The following CAGE1 variants were observed in gnomAD, a reference collection of about 807,000 sequenced individuals.
CAGE1 encodes cancer-associated gene 1 protein.
CAGE1 carries 66 observed loss-of-function variants against 94.9 expected under a neutral mutation model. That is an observed-to-expected ratio of 0.70 (90% CI 0.57 to 0.85). The LOEUF (loss-of-function observed/expected upper bound fraction) is 0.85, where lower values mean the gene tolerates loss of function less well. Among genes scored for constraint, CAGE1 ranks in the 40% least tolerant of loss-of-function variants. The pLI is 0.00. For missense variants in CAGE1, 865 were observed against 950.4 expected, an observed-to-expected ratio of 0.91 and a Z score of 1.18; for synonymous variants, 319 against 321.0, an observed-to-expected ratio of 0.99 and a Z score of 0.07.
At position 7,363,916 on chromosome 6, in the gene CAGE1, C is replaced by G. The variant is rs556295446; in HGVS notation, c.2193+1552G>C. On this transcript the variant is annotated intron_variant, in intron 9 of 13. Coordinates refer to ENST00000502583, the MANE Select transcript of CAGE1 (RefSeq NM_001170692.2). ...TTTTCTAAACTTATCTTTTCTTCAG[C>G]TTTTAATAGCTTACATTCTTCAATA... 1.2e-4 allele frequency among the ~76,000 whole-genome samples: 19 copies of G among 152,328 alleles called. No homozygotes were observed. In the South Asian group the frequency reaches 3.9e-3, roughly 32 times the overall value.
intron 7 of CAGE1, among the ~76,000 whole-genome samples, chr6:7,368,137 C>T (rs1261442754): frequency 1.3e-5 from 2 of 151,546 alleles, no homozygotes; most frequent in African/African-American, 4.9e-5. Context: ...CCTGTAATCC[C>T]AGCTACTTGG....
intron 11 of CAGE1, among the ~76,000 whole-genome samples, chr6:7,336,109 G>A (rs920299462): frequency 6.6e-6 from 1 of 152,190 alleles, no homozygotes; most frequent in African/African-American, 2.4e-5. Context: ...AGGAACAGAA[G>A]ATAATGTGAA....
rs1374919364 is a variant in CAGE1 at position 7,328,929 on chromosome 6, TATATA to T, written c.2478+915_2478+919del. 1.5e-3 allele frequency among the ~76,000 whole-genome samples: 171 copies of T among 112,148 alleles called. 7 individuals carry two copies. Among genetic ancestry groups the T allele is most frequent in the African/African-American group, 4.7e-3 (146 of 30,746 alleles). The allele number at this position is 112,148 out of a possible 152,430, so 73.6% of individuals were successfully genotyped here. A position where few individuals can be genotyped will look rare whatever the true frequency, so the allele number is the denominator to read the frequency against. The stretch of plus-strand genomic sequence containing the variant: ...GTGTGTGTGTGTGTGTATATATATA[TATATA>T]TTTTTTTTTTTTTTTGAGATAGAGT... On this transcript the variant is annotated intron_variant, in intron 13 of 13. Transcript: ENST00000502583.
intron 5 of CAGE1, among the ~76,000 whole-genome samples, chr6:7,371,193 C>T (rs1326999468): frequency 6.6e-6 from 1 of 152,136 alleles, no homozygotes; most frequent in African/African-American, 2.4e-5. Flanking sequence ...TCTCAGGCCC[C>T]ACCCCAGAAT....
Position 7,386,964 on chromosome 6 carries a change from A to C in CAGE1, c.195+15T>G. 6.6e-7 allele frequency: 1 copy of C among 1,519,352 alleles called. No individual in the cohort carries two copies. The highest frequency in any genetic ancestry group is 2.5e-5 in the East Asian group (1 of 40,706). The allele number at this position is 1,519,352 out of a possible 1,614,324, so 94.1% of individuals were successfully genotyped here. A position where few individuals can be genotyped will look rare whatever the true frequency, so the allele number is the denominator to read the frequency against. On this transcript the variant is annotated intron_variant, in intron 2 of 13. Transcript: ENST00000502583. ...AATACATCTGAGCCTCCTGGAACTT[A>C]TAAGCAATGCACACCTGAGGCAAGT...
At chr6:7,341,727 C>T (rs1759185038) in intron 11 of CAGE1, 2 of 698,446 alleles carry the variant, frequency 2.9e-6, no homozygotes, top group Non-Finnish European at 5.5e-6. Flanking sequence ...GAGCAGGCGC[C>T]AGGAAGGCCT....
At chr6:7,341,100 CT>C in intron 11 of CAGE1, 1 of 542,642 alleles carries the variant, frequency 1.8e-6, no homozygotes, top group South Asian at 1.5e-5. Flanking sequence ...TCTCCAATGC[CT>C]TTAGCTTGGC....
At chr6:7,363,092 A>C (rs1467580352) in intron 9 of CAGE1, among the ~76,000 whole-genome samples, 1 of 152,138 alleles carries the variant, frequency 6.6e-6, no homozygotes. Context: ...AACATGGAAA[A>C]ACCCTGTCTC....
chr6:7,345,399 C>T (rs116040945), intron 11 of CAGE1, among the ~76,000 whole-genome samples: 1,733 of 152,270 alleles, frequency 0.011, 26 homozygotes, highest in African/African-American at 0.04. Flanking sequence ...GATGTGCCAT[C>T]TTAAGAGCTG....
chr6:7,378,976 C>T lies in CAGE1; in HGVS notation c.328G>A (p.Val110Ile). Residue 110 changes from valine to isoleucine, a missense_variant, in exon 4 of 14, where the codon GTT becomes ATT. Val to Ile is a conservative substitution (Grantham distance 29). Coordinates refer to ENST00000502583, the MANE Select transcript of CAGE1 (RefSeq NM_001170692.2). ...NYSTNALIQP[V>I]DTISISSLRQ... ...AAGGAAGATATGCTGATGGTGTCAACTGGCTGAATTAGTGCATTCGTTGAG... is the reference window on the plus strand; with the variant it reads ...AAGGAAGATATGCTGATGGTGTCAATTGGCTGAATTAGTGCATTCGTTGAG... 1 of 1,562,534 alleles carries T rather than the reference C, an allele frequency of 6.4e-7. No individual in the cohort carries two copies. Among genetic ancestry groups the T allele is most frequent in the South Asian group, 1.2e-5 (1 of 84,884 alleles).
At chr6:7,342,584 T>G (rs189536651) in intron 11 of CAGE1, among the ~76,000 whole-genome samples, 4 of 152,312 alleles carry the variant, frequency 2.6e-5, no homozygotes, top group Admixed American at 2.6e-4. Flanking sequence ...TTCTCTCCAG[T>G]CTAAAGCCTC....
intron 11 of CAGE1, among the ~76,000 whole-genome samples, chr6:7,342,825 A>G (rs1353918425): frequency 6.6e-6 from 1 of 152,142 alleles, no homozygotes; most frequent in African/African-American, 2.4e-5. Flanking sequence ...ATTTTTGTAT[A>G]TAAGTTGAGA....
chr6:7,342,143 G>T (rs953041088), intron 11 of CAGE1: 4 of 1,009,076 alleles, frequency 4.0e-6, no homozygotes, highest in East Asian at 4.8e-5. Flanking sequence ...CAATCACTCA[G>T]TTGGGGAACT....
chr6:7,380,603 C>CTCCA (rs1303576746), intron 3 of CAGE1, among the ~76,000 whole-genome samples: 1 of 151,616 alleles, frequency 6.6e-6, no homozygotes, highest in Non-Finnish European at 1.5e-5. Context: ...TGCCACTGCA[C>CTCCA]TCCAGCGTGG....
At chr6:7,340,194 G>A (rs1038329797) in intron 11 of CAGE1, among the ~76,000 whole-genome samples, 5 of 152,124 alleles carry the variant, frequency 3.3e-5, no homozygotes, top group African/African-American at 7.2e-5. Flanking sequence ...TTTTTCATAC[G>A]TTTGTTGGCC....
chr6:7,341,703 GC>G, intron 11 of CAGE1: 1 of 707,880 alleles, frequency 1.4e-6, no homozygotes, highest in Non-Finnish European at 2.7e-6. Context: ...TAAAGTCAAA[GC>G]CACTATAGAA....
intron 11 of CAGE1, among the ~76,000 whole-genome samples, chr6:7,336,515 C>CTT (rs5874092): frequency 6.6e-6 from 1 of 151,810 alleles, no homozygotes; most frequent in African/African-American, 2.4e-5. Flanking sequence ...GTATTTCTTT[C>CTT]TTTTTTTCTT....
chr6:7,369,893 A>C (rs1342657869), intron 6 of CAGE1, 26 bp downstream of exon 6: 1 of 1,577,250 alleles, frequency 6.3e-7, no homozygotes, highest in Admixed American at 1.9e-5. Context: ...CCCCTACTAA[A>C]ATATCTAATA....
intron 13 of CAGE1, among the ~76,000 whole-genome samples, 160 bp downstream of exon 13, chr6:7,329,689 G>T: frequency 6.6e-6 from 1 of 152,162 alleles, no homozygotes. Flanking sequence ...TATAGCACCA[G>T]CTATGACAGG....
Sources: allele counts gnomAD v4.1 joint callset (sites outside exome capture counted in the v4.1 genomes callset), GRCh38; gene constraint gnomAD v4.1.1; transcripts MANE v1.5; gene names NCBI Gene and HGNC (gene_info 2026-07-23, HGNC 2026-07-21).